Variants in ZNF251 observed in about 807,000 individuals in gnomAD.
ZNF251 encodes the protein zinc finger protein 251.
Under a neutral mutation model 13.5 loss-of-function variants are expected in ZNF251, and 14 were observed. That is an observed-to-expected ratio of 1.04 (90% CI 0.69 to 1.63). ZNF251 has a LOEUF of 1.63. Among genes scored for constraint, ZNF251 ranks in the 40% most tolerant of loss-of-function variants. ZNF251 has a pLI of 0.00. For synonymous variants in ZNF251, 287 were observed against 295.2 expected (o/e 0.97, Z 0.28); for missense variants, 764 against 834.9 (o/e 0.92, Z 1.05).
At position 144,723,420 on chromosome 8, in the gene ZNF251, C is replaced by A. The variant is rs923444958; in HGVS notation, c.278-38G>T. The A allele has an allele frequency of 2.9e-6, 4 of 1,390,178 alleles. No homozygotes were observed. The East Asian group carries it at 7.5e-5, about 26-fold the overall frequency. 86.1% of individuals were successfully genotyped at this position (1,390,178 alleles called of 1,614,324 possible). ...AATATAAATGAGTTACTAGAGAAAA[C>A]CTTCCATCAGGCATAATGTCCATAA... On this transcript the variant is annotated intron_variant, in intron 4 of 4. Transcript: ENST00000292562.
At chr8:144,753,873 G>T in intron 3 of ZNF251, 77 bp from the exon 4 acceptor site, 1 of 1,097,376 alleles carries the variant, frequency 9.1e-7, no homozygotes, top group Non-Finnish European at 1.3e-6. Context: ...GATGGGCCCT[G>T]TGTGCACGTG....
In ZNF251 at chr8:144,734,353, G is replaced by A. The variant is rs1376221043; in HGVS notation, c.278-10971C>T. On this transcript the variant is annotated intron_variant, in intron 4 of 4. Coordinates refer to ENST00000292562, the MANE Select transcript of ZNF251 (RefSeq NM_138367.2). The surrounding 1 kb of genome is among the most constrained non-coding windows in gnomAD (Gnocchi z 4.4). ...GTCGGCCCTGTCCCCCAACTCCAGC[G>A]GGTGTCACGGGTCTAATCCCTGGCA... 2.0e-5 allele frequency among the ~76,000 whole-genome samples: 3 copies of A among 152,206 alleles called. No homozygotes were observed. Among genetic ancestry groups the A allele is most frequent in the African/African-American group, 4.8e-5 (2 of 41,454 alleles).
At chr8:144,729,582 C>T (rs1316370617) in intron 4 of ZNF251, among the ~76,000 whole-genome samples, 2 of 152,084 alleles carry the variant, frequency 1.3e-5, no homozygotes, top group Non-Finnish European at 2.9e-5. Flanking sequence ...GCCATCCACC[C>T]GCCTCGGCCT....
chr8:144,723,279 A>G lies in ZNF251; in HGVS notation c.381T>C (p.Asn127=), dbSNP rs778641329. The G allele has an allele frequency of 2.5e-6, 4 of 1,610,462 alleles. No homozygotes were observed. The highest frequency in any genetic ancestry group is 2.7e-5 in the African/African-American group (2 of 74,604). Residue 127 remains asparagine (N), a synonymous_variant, in exon 5 of 5, where the codon AAT becomes AAC. Coordinates refer to ENST00000292562, the MANE Select transcript of ZNF251 (RefSeq NM_138367.2). ...EFVSRRLLRD[N]AQAAEFREAW... ...CTTCCCGAAACTCAGCGGCCTGTGC[A>G]TTATCCCTTAAGAGTCTTCTTGATA...
In ZNF251 at chr8:144,723,172, C is replaced by G. The variant is rs906609598; in HGVS notation, c.488G>C (p.Arg163Thr). ...QSLNKPNIHK[R>T]VLTEATVGRE... ...GCCCACGGTAGCTTCTGTTAAAACT[C>G]TCTTGTGAATATTGGGTTTGTTCAA... Residue 163 changes from arginine to threonine, a missense_variant, in exon 5 of 5, where the codon AGA becomes ACA. Transcript: ENST00000292562. 2.5e-6 allele frequency: 4 copies of G among 1,612,462 alleles called. No homozygotes were observed. The highest frequency in any genetic ancestry group is 1.7e-5 in the Admixed American group (1 of 59,658).
At chr8:144,742,626 A>C (rs1427877369) in intron 4 of ZNF251, among the ~76,000 whole-genome samples, 1 of 152,112 alleles carries the variant, frequency 6.6e-6, no homozygotes, top group Non-Finnish European at 1.5e-5. Flanking sequence ...CCACCACTGC[A>C]GTACTGTACA....
chr8:144,720,946 T>C lies in ZNF251; in HGVS notation c.*698A>G, dbSNP rs1563752444. On this transcript the variant is annotated 3_prime_UTR_variant, in exon 5 of 5. Coordinates refer to ENST00000292562, the MANE Select transcript of ZNF251 (RefSeq NM_138367.2). ...AGTAAATTTTATTGTTTATAAATTA[T>C]GCTTCAATAAACCTGCCTTTAAAAA... 1.3e-5 allele frequency: 2 copies of C among 152,232 alleles called. No individual in the cohort carries two copies. Among genetic ancestry groups the C allele is most frequent in the Non-Finnish European group, 2.9e-5 (2 of 68,048 alleles). The allele number at this position is 152,232 out of a possible 1,614,324, so 9.4% of individuals were successfully genotyped here. A position where few individuals can be genotyped will look rare whatever the true frequency, so the allele number is the denominator to read the frequency against.
At chr8:144,727,045 C>T (rs1464635052) in intron 4 of ZNF251, among the ~76,000 whole-genome samples, 1 of 152,108 alleles carries the variant, frequency 6.6e-6, no homozygotes, top group African/African-American at 2.4e-5. Context: ...GAGGGACGCC[C>T]TGTCTCTGAA....
At position 144,723,206 on chromosome 8, in the gene ZNF251, C is replaced by G; in HGVS notation, c.454G>C (p.Gly152Arg). ...KLKERVGNSA[G>R]QSLNKPNIHK... is the part of the protein sequence containing the mutation. Reference sequence around the variant, plus strand: ...ATATTGGGTTTGTTCAAACTCTGCCCGGCAGAATTTCCCACGCGCTCTTTG... The same window carrying G: ...ATATTGGGTTTGTTCAAACTCTGCCGGGCAGAATTTCCCACGCGCTCTTTG... The change falls in exon 5 of 5, where the codon GGG becomes CGG. Residue 152 changes from glycine to arginine, a missense_variant. Gly to Arg is a moderately radical substitution (Grantham distance 125). Transcript: ENST00000292562. 1 of 1,612,736 alleles carries G rather than the reference C, an allele frequency of 6.2e-7. No individual in the cohort carries two copies. Among genetic ancestry groups the G allele is most frequent in the Non-Finnish European group, 8.5e-7 (1 of 1,179,378 alleles).
At chr8:144,725,432 AGGTGTGCACCACCT>A (rs1230529038) in intron 4 of ZNF251, among the ~76,000 whole-genome samples, 2 of 152,098 alleles carry the variant, frequency 1.3e-5, no homozygotes, top group Non-Finnish European at 2.9e-5. Flanking sequence ...CTGGGACTAC[AGGTGTGCACCACCT>A]GTAGTCTGGC....
rs376803982 is a variant in ZNF251, at chr8:144,737,793, G to A, written c.278-14411C>T. Among the ~76,000 whole-genome samples, 13 of 126,400 alleles carry A rather than the reference G, an allele frequency of 1.0e-4. No individual in the cohort carries two copies. In the East Asian group the frequency reaches 1.2e-3, roughly 12 times the overall value. 82.9% of individuals were successfully genotyped at this position (126,400 alleles called of 152,430 possible). A position where few individuals can be genotyped will look rare whatever the true frequency, so the allele number is the denominator to read the frequency against. On this transcript the variant is annotated intron_variant, in intron 4 of 4. Coordinates refer to ENST00000292562, the MANE Select transcript of ZNF251 (RefSeq NM_138367.2). ...CTTGCAGTGAGCCGAGATCGAGATC[G>A]CACCACTGCACTCCAGCCTGGGCAA... is the stretch of plus-strand genomic sequence containing the variant.
At position 144,732,656 on chromosome 8, in the gene ZNF251, CA is replaced by C. The variant is rs779946474; in HGVS notation, c.278-9275del. Among the ~76,000 whole-genome samples the C allele has an allele frequency of 1.7e-3, 258 of 151,812 alleles. 1 individual carries two copies. Among genetic ancestry groups the C allele is most frequent in the Non-Finnish European group, 2.5e-3 (169 of 67,954 alleles). ...TGAAACCCCGTCTCTACTAAAAATA[CA>C]AAAAATTAGCTGGGTGTGGTGGCAG... is the stretch of plus-strand genomic sequence containing the variant. On this transcript the variant is annotated intron_variant, in intron 4 of 4. Coordinates refer to ENST00000292562, the MANE Select transcript of ZNF251 (RefSeq NM_138367.2).
intron 4 of ZNF251, among the ~76,000 whole-genome samples, chr8:144,745,044 G>C (rs554260253): frequency 3.4e-4 from 52 of 152,102 alleles, no homozygotes; most frequent in Non-Finnish European, 7.4e-4. Context: ...TGACCAGAAC[G>C]AGACTCCATA....
chr8:144,729,555 CT>C (rs1166686569), intron 4 of ZNF251, among the ~76,000 whole-genome samples: 1 of 152,046 alleles, frequency 6.6e-6, no homozygotes, highest in Non-Finnish European at 1.5e-5. Flanking sequence ...CCAGGATGGT[CT>C]CGATCTCCTG....
intron 4 of ZNF251, among the ~76,000 whole-genome samples, chr8:144,739,205 C>G (rs1023986427): frequency 1.3e-5 from 2 of 151,532 alleles, no homozygotes; most frequent in Non-Finnish European, 2.9e-5. Flanking sequence ...ACTCCACTCC[C>G]CCAAACTAGG....
intron 4 of ZNF251, among the ~76,000 whole-genome samples, chr8:144,735,348 T>C (rs188582712): frequency 4.1e-5 from 6 of 144,764 alleles, no homozygotes; most frequent in Admixed American, 2.1e-4. Context: ...GATCACCCCA[T>C]TGCAGCCTGG....
chr8:144,732,579 A>C (rs12675973), intron 4 of ZNF251, among the ~76,000 whole-genome samples: 2 of 150,790 alleles, frequency 1.3e-5, no homozygotes, highest in Admixed American at 1.3e-4. Flanking sequence ...TGGGGAGGCC[A>C]AGGCGGGGGA....
intron 4 of ZNF251, among the ~76,000 whole-genome samples, chr8:144,745,068 G>A (rs1289269982): frequency 1.3e-5 from 2 of 152,132 alleles, no homozygotes; most frequent in African/African-American, 4.8e-5. Context: ...AGGGGGACGG[G>A]GAGCGGGAGG....
intron 4 of ZNF251, among the ~76,000 whole-genome samples, chr8:144,741,421 ACATACACC>A (rs1418421191): frequency 6.6e-6 from 1 of 152,228 alleles, no homozygotes; most frequent in Admixed American, 6.5e-5. Context: ...ATGCAGATAC[ACATACACC>A]CATACATACA....
Sources: gnomAD v4.1 joint callset for allele counts (sites outside exome capture counted in the v4.1 genomes callset) on GRCh38, gnomAD v4.1.1 for gene constraint, Gnocchi (gnomAD v3.1) non-coding constraint, MANE v1.5 for transcripts, NCBI Gene and HGNC (gene_info 2026-07-23, HGNC 2026-07-21) for gene names.